Variants in FAM83D observed in about 807,000 individuals in gnomAD.
FAM83D encodes the protein scaffolding CK1 anchoring protein D.
FAM83D carries 26 observed loss-of-function variants against 25.4 expected under a neutral mutation model. The ratio of observed to expected loss-of-function variants is 1.02; its 90% CI spans 0.75 to 1.42. The LOEUF (loss-of-function observed/expected upper bound fraction) is 1.42. FAM83D is among the 40% of genes most tolerant of loss of function. The pLI is 0.00. For synonymous variants in FAM83D, 310 were observed against 318.5 expected, an observed-to-expected ratio of 0.97 and a Z score of 0.28; for missense variants, 740 against 758.1, an observed-to-expected ratio of 0.98 and a Z score of 0.28.
Position 38,930,368 on chromosome 20 carries a change from C to T in FAM83D, c.483+3443C>T, listed in dbSNP as rs1601329837. Among the ~76,000 whole-genome samples, 3 of 152,304 alleles carry T rather than the reference C, an allele frequency of 2.0e-5. No homozygotes were observed. The South Asian group carries it at 6.2e-4, about 32-fold the overall frequency. The stretch of plus-strand genomic sequence containing the variant: ...GCTACAATTAAGAAAAGACCAGGCA[C>T]AGAGAAGTTAAGTAACTTGCCTGAG... On this transcript the variant is annotated intron_variant, in intron 1 of 3. Transcript: ENST00000619850.
rs116804143 is a variant in FAM83D, at chr20:38,931,139, T to C, written c.483+4214T>C. On this transcript the variant is annotated intron_variant, in intron 1 of 3. Coordinates refer to ENST00000619850, the MANE Select transcript of FAM83D (RefSeq NM_030919.3). ...CCATGAGGAAGGATTGGAGCTTTGG[T>C]AGTTTTCAACAGGCTGAAGGTTTGT... Among the ~76,000 whole-genome samples the C allele has an allele frequency of 3.9e-3, 599 of 152,362 alleles. 2 individuals are homozygous for C. Among genetic ancestry groups the C allele is most frequent in the African/African-American group, 0.014 (575 of 41,588 alleles).
intron 2 of FAM83D, among the ~76,000 whole-genome samples, chr20:38,946,510 T>C (rs757348251): frequency 6.6e-6 from 1 of 152,310 alleles, no homozygotes; most frequent in East Asian, 1.9e-4. Flanking sequence ...GTTATCGTCA[T>C]GCATGCATAT....
chr20:38,936,923 A>G (rs530921466), intron 1 of FAM83D, among the ~76,000 whole-genome samples: 16 of 152,294 alleles, frequency 1.1e-4, no homozygotes, highest in African/African-American at 3.8e-4. Context: ...CTGTTCAACT[A>G]CATAGGTTCC....
chr20:38,942,186 A>G (rs1028810019), intron 2 of FAM83D, 60 bp downstream of exon 2: 1 of 1,574,876 alleles, frequency 6.3e-7, no homozygotes, highest in Non-Finnish European at 8.7e-7. Context: ...AGCATCCATT[A>G]TCTACAAGCT....
At chr20:38,927,431 T>TA (rs2085640832) in intron 1 of FAM83D, among the ~76,000 whole-genome samples, 1 of 152,048 alleles carries the variant, frequency 6.6e-6, no homozygotes, top group Admixed American at 6.6e-5. Context: ...TCATGCATCT[T>TA]TTGCTGTAAA....
intron 1 of FAM83D, among the ~76,000 whole-genome samples, chr20:38,930,261 T>C (rs2085653506): frequency 1.3e-5 from 2 of 152,200 alleles, no homozygotes; most frequent in African/African-American, 2.4e-5. Context: ...GGTGATATGA[T>C]TGAGCACTTT....
chr20:38,952,667 A>G lies in FAM83D; in HGVS notation c.*147A>G, dbSNP rs1219252912. 1 of 879,282 alleles carries G rather than the reference A, an allele frequency of 1.1e-6. No individual in the cohort carries two copies. The highest frequency in any genetic ancestry group is 2.5e-5 in the East Asian group (1 of 40,476). 54.5% of individuals were successfully genotyped at this position (879,282 alleles called of 1,614,324 possible). A position where few individuals can be genotyped will look rare whatever the true frequency, so the allele number is the denominator to read the frequency against. ...TGTCTTTGAATTCTTTAGGCTGCAT[A>G]TTATTTTACATGCTTTGTTTTGTCA... On this transcript the variant is annotated 3_prime_UTR_variant, in exon 4 of 4. Coordinates refer to ENST00000619850, the MANE Select transcript of FAM83D (RefSeq NM_030919.3).
chr20:38,952,303 C>A lies in FAM83D; in HGVS notation c.1541C>A (p.Pro514His), dbSNP rs773093502. 1.2e-6 allele frequency: 2 copies of A among 1,614,108 alleles called. No homozygotes were observed. The highest frequency in any genetic ancestry group is 1.7e-6 in the Non-Finnish European group (2 of 1,180,032). ...NPGYPKYLGT[P>H]HLELYLSDSL... ...GGCTATCCCAAGTACCTGGGCACCC[C>A]CCACCTGGAACTGTACTTGAGTGAC... Residue 514 changes from proline (P) to histidine (H), a missense_variant, in exon 4 of 4, where the codon CCC becomes CAC. By Grantham distance (77) the Pro-to-His change is moderately conservative. Coordinates refer to ENST00000619850, the MANE Select transcript of FAM83D (RefSeq NM_030919.3).
intron 3 of FAM83D, among the ~76,000 whole-genome samples, 200 bp from the exon 4 acceptor site, chr20:38,951,338 CT>C (rs1176518631): frequency 6.6e-6 from 1 of 152,130 alleles, no homozygotes; most frequent in Non-Finnish European, 1.5e-5. Context: ...AACAGTTGGC[CT>C]TTTTACTTTT....
intron 1 of FAM83D, among the ~76,000 whole-genome samples, chr20:38,930,480 G>A (rs1389862657): frequency 6.6e-6 from 1 of 151,482 alleles, no homozygotes; most frequent in African/African-American, 2.4e-5. Context: ...TTTTTTTGTT[G>A]TTTGTTATTA....
intron 2 of FAM83D, among the ~76,000 whole-genome samples, chr20:38,944,023 A>G (rs1010077463): frequency 2.0e-5 from 3 of 152,198 alleles, no homozygotes; most frequent in African/African-American, 7.2e-5. Context: ...TAAGCAACCC[A>G]TGGCTTCTCA....
chr20:38,928,526 C>T (rs970727966), intron 1 of FAM83D, among the ~76,000 whole-genome samples: 11 of 152,180 alleles, frequency 7.2e-5, no homozygotes, highest in African/African-American at 2.7e-4. Context: ...TGTAGGTATG[C>T]ATCCCCAAAG....
chr20:38,951,470 G>C (rs1006111622), intron 3 of FAM83D, 69 bp from the exon 4 acceptor site: 7 of 1,525,698 alleles, frequency 4.6e-6, no homozygotes, highest in Non-Finnish European at 6.2e-6. Flanking sequence ...ATATTATTCA[G>C]ATGGACAGTG....
At chr20:38,934,853 G>A (rs974839034) in intron 1 of FAM83D, among the ~76,000 whole-genome samples, 9 of 152,286 alleles carry the variant, frequency 5.9e-5, no homozygotes, top group Middle Eastern at 3.4e-3. Flanking sequence ...GTAGCCATAT[G>A]AGGCTATTAA....
intron 3 of FAM83D, among the ~76,000 whole-genome samples, chr20:38,951,101 T>C (rs972048973): frequency 1.3e-5 from 2 of 152,096 alleles, no homozygotes; most frequent in African/African-American, 4.8e-5. Context: ...GGGATTACAG[T>C]CATGAGCCAC....
At chr20:38,947,810 C>G in intron 2 of FAM83D, 66 bp from the exon 3 acceptor site, 2 of 1,572,670 alleles carry the variant, frequency 1.3e-6, no homozygotes, top group Non-Finnish European at 1.7e-6. Flanking sequence ...TTTGTCCTAA[C>G]CATTTGCTCA....
At chr20:38,930,069 A>C (rs2085652767) in intron 1 of FAM83D, among the ~76,000 whole-genome samples, 1 of 152,242 alleles carries the variant, frequency 6.6e-6, no homozygotes, top group African/African-American at 2.4e-5. Context: ...TGGCTAGCTA[A>C]GAGCTACTAC....
chr20:38,951,734 C>T lies in FAM83D; in HGVS notation c.972C>T (p.Leu324=), dbSNP rs1464354312. 8 of 1,614,088 alleles carry T rather than the reference C, an allele frequency of 5.0e-6. No homozygotes were observed. The highest frequency in any genetic ancestry group is 6.8e-6 in the Non-Finnish European group (8 of 1,180,052). ...LTNRKPQSKE[L]TLGNLLRMRL... ...ACCGAAAACCACAGTCCAAGGAGCT[C>T]ACCCTGGGCAACCTGCTGCGGATGC... The change falls in exon 4 of 4, where the codon CTC becomes CTT. Residue 324 remains leucine (L), a synonymous_variant. Transcript: ENST00000619850.
At chr20:38,948,082 C>T in intron 3 of FAM83D, 82 bp downstream of exon 3, 2 of 1,515,796 alleles carry the variant, frequency 1.3e-6, no homozygotes, top group Non-Finnish European at 1.8e-6. Context: ...GCCTTTTCCT[C>T]TCAATGGGAG....
Sources: allele counts gnomAD v4.1 joint callset (sites outside exome capture counted in the v4.1 genomes callset), GRCh38; gene constraint gnomAD v4.1.1; transcripts MANE v1.5; gene names NCBI Gene and HGNC (gene_info 2026-07-23, HGNC 2026-07-21).